Variants in ANKFN1 observed in about 807,000 individuals in gnomAD.
ANKFN1 encodes ankyrin repeat and fibronectin type-III domain-containing protein 1.
A neutral mutation model predicts 108.7 loss-of-function variants in ANKFN1; 74 were observed. That is an observed-to-expected ratio of 0.68 (90% CI 0.56 to 0.83). ANKFN1 has a LOEUF of 0.83. Ranked by LOEUF, ANKFN1 falls within the 40% of genes least tolerant of loss-of-function variation. The pLI is 0.00. For missense variants in ANKFN1, 1,505 were observed against 1,382.3 expected, an observed-to-expected ratio of 1.09 and a Z score of -1.41; for synonymous variants, 547 against 516.2, an observed-to-expected ratio of 1.06 and a Z score of -0.81.
intron 6 of ANKFN1, among the ~76,000 whole-genome samples, chr17:56,366,745 G>C (rs548637071): frequency 6.6e-6 from 1 of 152,298 alleles, no homozygotes; most frequent in East Asian, 1.9e-4. Context: ...CATAGAGTCT[G>C]GCTGTGTGGT....
Position 56,326,230 on chromosome 17 carries a change from G to A in ANKFN1, c.63G>A (p.Arg21=), listed in dbSNP as rs766321403. The A allele has an allele frequency of 6.2e-7, 1 of 1,612,376 alleles. No homozygotes were observed. Among genetic ancestry groups the A allele is most frequent in the South Asian group, 1.1e-5 (1 of 90,704 alleles). ...RHFTCSKIIG[R]RFACFAQRLS... ...TTTATTCTTTACACAGAATAGGAAG[G>A]AGATTCGCTTGCTTTGCACAGAGGC... Residue 21 remains arginine, a synonymous_variant, in exon 4 of 21, where the codon AGG becomes AGA. Transcript: ENST00000682825.
At chr17:56,070,659 T>A (rs192554322) in intron 4 of ANKFN1, among the ~76,000 whole-genome samples, 1 of 152,116 alleles carries the variant, frequency 6.6e-6, no homozygotes, top group Non-Finnish European at 1.5e-5. Flanking sequence ...AGCCAAACCT[T>A]CCTTTTGAGT....
intron 1 of ANKFN1, chr17:56,174,134 G>T: frequency 1.0e-6 from 1 of 959,520 alleles, no homozygotes; most frequent in Non-Finnish European, 1.2e-6. Context: ...TGGTGCAGTT[G>T]GGAGGGGAGG....
At chr17:56,406,529 G>A (rs2047926865) in intron 8 of ANKFN1, among the ~76,000 whole-genome samples, 1 of 152,098 alleles carries the variant, frequency 6.6e-6, no homozygotes, top group African/African-American at 2.4e-5. Flanking sequence ...TGACAGGAGT[G>A]TTTACGTATT....
chr17:56,273,847 G>A (rs1004693363), intron 3 of ANKFN1, among the ~76,000 whole-genome samples: 1 of 152,162 alleles, frequency 6.6e-6, no homozygotes. Context: ...AATATCCCAA[G>A]CAATTATTCA....
chr17:56,407,842 C>T (rs374085590), intron 8 of ANKFN1, among the ~76,000 whole-genome samples: 27 of 151,932 alleles, frequency 1.8e-4, no homozygotes, highest in African/African-American at 5.1e-4. Flanking sequence ...TCTTCAATAA[C>T]GCCAATTACT....
chr17:56,353,515 G>A (rs2046300064), intron 5 of ANKFN1, among the ~76,000 whole-genome samples: 1 of 152,182 alleles, frequency 6.6e-6, no homozygotes, highest in African/African-American at 2.4e-5. Flanking sequence ...GGGGTTACAG[G>A]TGTGAGCCAC....
rs568878263 is a variant in ANKFN1 at position 56,088,505 on chromosome 17, G to A, written c.288+42180G>A. 3.3e-5 allele frequency among the ~76,000 whole-genome samples: 5 copies of A among 151,076 alleles called. No homozygotes were observed. The South Asian group carries it at 1.0e-3, about 32-fold the overall frequency. ...AGGCATCCGGTCACTTCTTCTAGCT[G>A]GTTTCTAGCTGGTGGCAGTCACCAC... On this transcript the variant is annotated intron_variant, in intron 4 of 12. Coordinates refer to the ANKFN1 transcript ENST00000635860.
Position 56,400,829 on chromosome 17 carries a change from A to G in ANKFN1, c.910+26115A>G, listed in dbSNP as rs369764107. ...GTGGCTAGCCAATTATCCCAGCACC[A>G]TTTGTTGAAAAGGGTGTCCTTTCCC... On this transcript the variant is annotated intron_variant, in intron 8 of 20. Transcript: ENST00000682825. Among the ~76,000 whole-genome samples, 10 of 152,204 alleles carry G rather than the reference A, an allele frequency of 6.6e-5. No homozygotes were observed. The East Asian group carries it at 1.7e-3, about 26-fold the overall frequency.
intron 3 of ANKFN1, among the ~76,000 whole-genome samples, chr17:56,239,666 G>A (rs2143988133): frequency 6.6e-6 from 1 of 152,234 alleles, no homozygotes; most frequent in East Asian, 1.9e-4. Flanking sequence ...CAAAATGGCA[G>A]CTACAGGCAT....
chr17:56,398,079 C>A (rs1226426305), intron 8 of ANKFN1, among the ~76,000 whole-genome samples: 2 of 152,058 alleles, frequency 1.3e-5, no homozygotes, highest in Non-Finnish European at 2.9e-5. Context: ...TCTCACAGTC[C>A]TTTTCCCACT....
chr17:56,098,610 T>C (rs568989546), intron 4 of ANKFN1, among the ~76,000 whole-genome samples: 22 of 152,194 alleles, frequency 1.4e-4, no homozygotes, highest in Non-Finnish European at 2.8e-4. Flanking sequence ...AACTGATATA[T>C]CTCCAGAACC....
chr17:56,310,908 A>G (rs1325632630), intron 3 of ANKFN1, among the ~76,000 whole-genome samples: 1 of 152,048 alleles, frequency 6.6e-6, no homozygotes, highest in Non-Finnish European at 1.5e-5. Context: ...ACCATTGACC[A>G]ACGTCTCCCC....
intron 4 of ANKFN1, among the ~76,000 whole-genome samples, chr17:56,329,732 T>C (rs796188762): frequency 5.3e-5 from 8 of 152,334 alleles, no homozygotes; most frequent in African/African-American, 1.9e-4. Context: ...ACACACTGAA[T>C]GCTTATGTTT....
At chr17:56,350,701 A>G in intron 4 of ANKFN1, 65 bp from the exon 5 acceptor site, 9 of 1,454,614 alleles carry the variant, frequency 6.2e-6, no homozygotes, top group Non-Finnish European at 5.8e-6. Context: ...TGGAGATGAT[A>G]AAATCATATG....
At chr17:56,400,197 C>G (rs1414399508) in intron 8 of ANKFN1, among the ~76,000 whole-genome samples, 1 of 152,038 alleles carries the variant, frequency 6.6e-6, no homozygotes, top group East Asian at 1.9e-4. Context: ...TTTACATTCC[C>G]ATCAGCAGTG....
intron 4 of ANKFN1, among the ~76,000 whole-genome samples, chr17:56,047,835 G>A (rs1344255075): frequency 6.6e-6 from 1 of 152,188 alleles, no homozygotes. Flanking sequence ...TTGGCAGACA[G>A]GTTGAGAAGA....
chr17:56,052,958 C>G (rs186848609), intron 4 of ANKFN1, among the ~76,000 whole-genome samples: 20 of 151,920 alleles, frequency 1.3e-4, no homozygotes, highest in African/African-American at 4.8e-4. Context: ...ATCACTGGAC[C>G]GTCAACTCAT....
At chr17:56,226,272 C>T (rs370488808) in intron 2 of ANKFN1, among the ~76,000 whole-genome samples, 1 of 151,982 alleles carries the variant, frequency 6.6e-6, no homozygotes. Flanking sequence ...GAGATCTTGT[C>T]GGGTCAAACT....
Sources: gnomAD v4.1 joint callset for allele counts (sites outside exome capture counted in the v4.1 genomes callset) on GRCh38, gnomAD v4.1.1 for gene constraint, MANE v1.5 for transcripts, NCBI Gene and HGNC (gene_info 2026-07-23, HGNC 2026-07-21) for gene names.